Variants in WDR7 observed in about 807,000 individuals in gnomAD.
The protein encoded by WDR7 is WD repeat domain 7, also known as WD repeat-containing protein 7.
In WDR7, 46 loss-of-function variants were observed where a neutral mutation model predicts 169.4. That is an observed-to-expected ratio of 0.27 (90% CI 0.21 to 0.35). The LOEUF (loss-of-function observed/expected upper bound fraction) is 0.35, where lower values mean the gene tolerates loss of function less well. Among genes scored for constraint, WDR7 ranks in the 10% least tolerant of loss-of-function variants. WDR7 has a pLI of 1.00. For missense variants in WDR7, 1,534 were observed against 1,859.3 expected (o/e 0.83, Z 3.22); for synonymous variants, 612 against 666.8 (o/e 0.92, Z 1.27).
At chr18:56,772,105 T>A in intron 16 of WDR7, among the ~76,000 whole-genome samples, 1 of 148,844 alleles carries the variant, frequency 6.7e-6, no homozygotes, top group Non-Finnish European at 1.5e-5. Flanking sequence ...GAGAAGATAA[T>A]TTTTGCATTT....
rs777837116 is a variant in WDR7 at position 56,682,872 on chromosome 18, T to C, written c.520+19T>C. The C allele has an allele frequency of 1.2e-6, 2 of 1,607,168 alleles. No homozygotes were observed. The highest frequency in any genetic ancestry group is 2.7e-5 in the African/African-American group (2 of 74,708). On this transcript the variant is annotated intron_variant, in intron 5 of 27. Transcript: ENST00000254442. Reference sequence around the variant, plus strand: ...ACACAAGGTCAGTGTATTATGCCTGTTAGGAGCTTTAGCACCATGACTTAA... The same window carrying C: ...ACACAAGGTCAGTGTATTATGCCTGCTAGGAGCTTTAGCACCATGACTTAA...
At chr18:56,738,943 C>T (rs984674049) in intron 14 of WDR7, among the ~76,000 whole-genome samples, 2 of 150,670 alleles carry the variant, frequency 1.3e-5, no homozygotes, top group South Asian at 2.1e-4. Flanking sequence ...TATAATAATG[C>T]GTTCTAGATT....
At position 56,685,678 on chromosome 18, in the gene WDR7, A is replaced by G. The variant is rs140366099; in HGVS notation, c.521-278A>G. Among the ~76,000 whole-genome samples, 3 of 152,360 alleles carry G rather than the reference A, an allele frequency of 2.0e-5. No individual in the cohort carries two copies. The East Asian group carries it at 5.8e-4, about 29-fold the overall frequency. ...AAGTGTATAAGTTCATTGTTAACAT[A>G]GTAATCAAGAACATTTGAAATTATT... is the stretch of plus-strand genomic sequence containing the variant. On this transcript the variant is annotated intron_variant, in intron 5 of 27. Transcript: ENST00000254442.
rs1555707547 is a variant in WDR7, at chr18:56,900,111, A to ATATATATATATATATAT, written c.3526+19946_3526+19947insTATATATATATATATAT. Among the ~76,000 whole-genome samples the ATATATATATATATATAT allele has an allele frequency of 9.2e-4, 126 of 137,576 alleles. 1 individual carries two copies. Among genetic ancestry groups the ATATATATATATATATAT allele is most frequent in the Non-Finnish European group, 1.4e-3 (90 of 65,538 alleles). The allele number at this position is 137,576 out of a possible 152,430, so 90.3% of individuals were successfully genotyped here. On this transcript the variant is annotated intron_variant, in intron 21 of 27. Transcript: ENST00000254442. ...ATATATATATATATATATATATATAAAATTGTTAATGGCATTTTGATTTAG... is the reference window on the plus strand; with the variant it reads ...ATATATATATATATATATATATATAATATATATATATATATATAATTGTTAATGGCATTTTGATTTAG...
rs988534380 is a variant in WDR7 at position 56,932,682 on chromosome 18, C to G, written c.3714-3106C>G. On this transcript the variant is annotated intron_variant, in intron 22 of 27. Coordinates refer to ENST00000254442, the MANE Select transcript of WDR7 (RefSeq NM_015285.3). ...TTGTTACCTCATTTAGTCTTCTTGT[C>G]AGTGCTGTGAAGTAGATATTTTAAT... Among the ~76,000 whole-genome samples the G allele has an allele frequency of 6.6e-5, 10 of 152,094 alleles. No homozygotes were observed. In the East Asian group the frequency reaches 1.9e-3, roughly 29 times the overall value.
intron 1 of WDR7, among the ~76,000 whole-genome samples, chr18:56,658,560 C>T (rs963823027): frequency 6.6e-6 from 1 of 152,198 alleles, no homozygotes; most frequent in Non-Finnish European, 1.5e-5. Context: ...TAGAGTGAGC[C>T]AGTTACCTTC....
intron 20 of WDR7, among the ~76,000 whole-genome samples, chr18:56,870,904 C>T (rs1238172442): frequency 6.6e-6 from 1 of 152,202 alleles, no homozygotes; most frequent in Non-Finnish European, 1.5e-5. Flanking sequence ...TGATTGGACA[C>T]ATTTCACTAT....
At chr18:56,962,641 T>C (rs935369793) in intron 26 of WDR7, 112 bp downstream of exon 26, 1 of 917,708 alleles carries the variant, frequency 1.1e-6, no homozygotes, top group Non-Finnish European at 1.7e-6. Flanking sequence ...TTATGGATAA[T>C]GCTAAAGGGA....
intron 19 of WDR7, among the ~76,000 whole-genome samples, chr18:56,805,890 C>A (rs2044765458): frequency 2.6e-5 from 4 of 152,070 alleles, no homozygotes; most frequent in Admixed American, 2.6e-4. Flanking sequence ...GTTTTATTAG[C>A]CTCATTGCCT....
At chr18:56,896,022 TTATA>T (rs2046328326) in intron 21 of WDR7, among the ~76,000 whole-genome samples, 1 of 151,852 alleles carries the variant, frequency 6.6e-6, no homozygotes, top group African/African-American at 2.4e-5. Flanking sequence ...TTTGGGCACT[TTATA>T]AATATTAACT....
chr18:56,725,371 T>C lies in WDR7; in HGVS notation c.1775-6012T>C, dbSNP rs372113437. 2.7e-3 allele frequency among the ~76,000 whole-genome samples: 414 copies of C among 151,748 alleles called. 5 individuals carry two copies. In the East Asian group the frequency reaches 0.036, roughly 13 times the overall value. ...TAACTGGTGTGAGATGGTATCTCATTGTGGTTTTGATTTGCATTTCTCTGA... is the reference window on the plus strand; with the variant it reads ...TAACTGGTGTGAGATGGTATCTCATCGTGGTTTTGATTTGCATTTCTCTGA... On this transcript the variant is annotated intron_variant, in intron 13 of 27. Transcript: ENST00000254442.
At chr18:56,796,308 G>A (rs530822456) in intron 19 of WDR7, among the ~76,000 whole-genome samples, 1 of 152,176 alleles carries the variant, frequency 6.6e-6, no homozygotes, top group African/African-American at 2.4e-5. Context: ...TACCCTACTG[G>A]CTCACTCCCT....
chr18:56,882,060 C>T (rs923897760), intron 21 of WDR7, among the ~76,000 whole-genome samples: 2 of 152,192 alleles, frequency 1.3e-5, no homozygotes, highest in African/African-American at 4.8e-5. Context: ...GCACATTACT[C>T]TCCCTCTACG....
intron 21 of WDR7, among the ~76,000 whole-genome samples, chr18:56,918,581 A>G (rs2046663407): frequency 6.6e-6 from 1 of 152,190 alleles, no homozygotes; most frequent in Non-Finnish European, 1.5e-5. Context: ...AAAAAGTGGT[A>G]AGAAAATCAC....
intron 7 of WDR7, among the ~76,000 whole-genome samples, chr18:56,690,400 TATTAC>T (rs1291352968): frequency 6.6e-6 from 1 of 152,214 alleles, no homozygotes; most frequent in Non-Finnish European, 1.5e-5. Context: ...ATGTGAAAAT[TATTAC>T]ATAGTAAAAT....
intron 21 of WDR7, among the ~76,000 whole-genome samples, chr18:56,881,920 G>A (rs2046114023): frequency 6.6e-6 from 1 of 152,126 alleles, no homozygotes; most frequent in Admixed American, 6.5e-5. Flanking sequence ...TTTCTTTCCT[G>A]TCTTTCCCCT....
chr18:56,832,198 C>T (rs780636529), intron 20 of WDR7, among the ~76,000 whole-genome samples: 34 of 152,150 alleles, frequency 2.2e-4, no homozygotes, highest in Non-Finnish European at 1.2e-4. Flanking sequence ...GGCGGTTTTC[C>T]TCTCACGGTG....
intron 14 of WDR7, among the ~76,000 whole-genome samples, chr18:56,748,430 ATAT>A (rs1161675416): frequency 6.6e-6 from 1 of 152,124 alleles, no homozygotes; most frequent in Non-Finnish European, 1.5e-5. Flanking sequence ...TACTATTTGG[ATAT>A]TATTATTCAG....
chr18:56,755,978 TCTA>T (rs1249983965), intron 14 of WDR7, among the ~76,000 whole-genome samples: 5 of 152,200 alleles, frequency 3.3e-5, no homozygotes, highest in Non-Finnish European at 7.3e-5. Flanking sequence ...ATTGGAGTAG[TCTA>T]CTACTTTCAG....
Sources: allele counts gnomAD v4.1 joint callset (sites outside exome capture counted in the v4.1 genomes callset), GRCh38; gene constraint gnomAD v4.1.1; transcripts MANE v1.5; gene names NCBI Gene and HGNC (gene_info 2026-07-23, HGNC 2026-07-21).